Variants in CFAP20DC observed in about 807,000 individuals in gnomAD.
CFAP20DC encodes the protein CFAP20 domain containing.
A neutral mutation model predicts 101.7 loss-of-function variants in CFAP20DC; 84 were observed. That is an observed-to-expected ratio of 0.83 (90% CI 0.69 to 0.99). The LOEUF (loss-of-function observed/expected upper bound fraction) is 0.99. Among genes scored for constraint, CFAP20DC ranks in the 50% least tolerant of loss-of-function variants. The pLI, the probability that CFAP20DC is intolerant of heterozygous loss-of-function variation, is 0.00. For missense variants in CFAP20DC, 1,007 were observed against 970.3 expected, an observed-to-expected ratio of 1.04 and a Z score of -0.50; for synonymous variants, 359 against 351.2, an observed-to-expected ratio of 1.02 and a Z score of -0.25.
At position 58,752,318 on chromosome 3, in the gene CFAP20DC, C is replaced by T. The variant is rs140101748; in HGVS notation, c.2332+1451G>A. ...GGCCAGGGGACAGCTGATAAAAATC[C>T]AGGGTGACAGGCAGAAGGGATGCTT... On this transcript the variant is annotated intron_variant, in intron 16 of 16. Transcript: ENST00000482387. 2.5e-3 allele frequency among the ~76,000 whole-genome samples: 386 copies of T among 152,142 alleles called. 13 individuals are homozygous for T. The East Asian group carries it at 0.06, about 24-fold the overall frequency.
rs368014973 is a variant in CFAP20DC at position 58,956,923 on chromosome 3, G to C, written c.279-19161C>G. Among the ~76,000 whole-genome samples the C allele has an allele frequency of 2.5e-4, 38 of 152,196 alleles. No homozygotes were observed. In the Middle Eastern group the frequency reaches 0.01, roughly 41 times the overall value. ...AACTCACTATCACGAGAATATGATG[G>C]GGGAAACCACACCCATGATCCAACT... is the stretch of plus-strand genomic sequence containing the variant. On this transcript the variant is annotated intron_variant, in intron 4 of 16. Transcript: ENST00000482387.
At chr3:58,790,882 G>A (rs2072789471) in intron 15 of CFAP20DC, among the ~76,000 whole-genome samples, 1 of 152,256 alleles carries the variant, frequency 6.6e-6, no homozygotes, top group East Asian at 1.9e-4. Context: ...TGTGAGACTA[G>A]AGGAGAAAAC....
At chr3:59,048,677 A>T (rs913898678) in intron 1 of CFAP20DC, among the ~76,000 whole-genome samples, 1 of 152,212 alleles carries the variant, frequency 6.6e-6, no homozygotes, top group African/African-American at 2.4e-5. Context: ...CTCCGAGAGC[A>T]CTCATAATGA....
intron 15 of CFAP20DC, among the ~76,000 whole-genome samples, chr3:58,779,271 T>G (rs1191581578): frequency 6.6e-6 from 1 of 151,882 alleles, no homozygotes; most frequent in Non-Finnish European, 1.5e-5. Context: ...GGGACAGATA[T>G]CATAAAAAGG....
At chr3:58,766,131 T>C (rs1038142143) in intron 15 of CFAP20DC, among the ~76,000 whole-genome samples, 2 of 152,130 alleles carry the variant, frequency 1.3e-5, no homozygotes, top group Admixed American at 1.3e-4. Flanking sequence ...AGATAGAAAA[T>C]GTGTTAGTTT....
At chr3:58,786,504 C>T (rs1033327130) in intron 15 of CFAP20DC, among the ~76,000 whole-genome samples, 17 of 152,058 alleles carry the variant, frequency 1.1e-4, no homozygotes, top group African/African-American at 3.9e-4. Flanking sequence ...AAGTACTGTT[C>T]TGAATTTGTG....
chr3:58,921,059 C>T (rs1200178691), intron 5 of CFAP20DC, among the ~76,000 whole-genome samples: 5 of 152,100 alleles, frequency 3.3e-5, no homozygotes, highest in Non-Finnish European at 5.9e-5. Context: ...GTCAAATTCA[C>T]TGGCATAAAA....
intron 3 of CFAP20DC, among the ~76,000 whole-genome samples, chr3:59,044,237 T>A (rs1300523402): frequency 6.6e-6 from 1 of 152,154 alleles, no homozygotes; most frequent in Non-Finnish European, 1.5e-5. Context: ...AATTTATAAA[T>A]GTTAATTAAA....
At chr3:58,736,413 G>C (rs769753946) in intron 3 of CFAP20DC, among the ~76,000 whole-genome samples, 1 of 152,200 alleles carries the variant, frequency 6.6e-6, no homozygotes, top group Middle Eastern at 3.4e-3. Context: ...CAAAACTGGG[G>C]ATGATTCTAA....
intron 6 of CFAP20DC, among the ~76,000 whole-genome samples, chr3:58,893,604 T>C (rs2082428230): frequency 6.6e-6 from 1 of 152,210 alleles, no homozygotes; most frequent in Admixed American, 6.6e-5. Context: ...TTTTCTTTTT[T>C]TGTGGTATAT....
intron 4 of CFAP20DC, among the ~76,000 whole-genome samples, chr3:58,997,453 G>A (rs72883322): frequency 0.047 from 7,208 of 152,188 alleles, 562 homozygotes; most frequent in African/African-American, 0.16. Flanking sequence ...CCATTTAAGA[G>A]TTGAGAGACA....
rs1162902093 is a variant in CFAP20DC, at chr3:58,783,711, C to T, written c.2237+22684G>A. 2.0e-5 allele frequency among the ~76,000 whole-genome samples: 3 copies of T among 152,006 alleles called. No homozygotes were observed. The East Asian group carries it at 5.8e-4, about 29-fold the overall frequency. On this transcript the variant is annotated intron_variant, in intron 15 of 16. Coordinates refer to ENST00000482387, the MANE Select transcript of CFAP20DC (RefSeq NM_001394063.1). ...TGAAAAAGTACTGAACATCAGTAATCGTCAGGGAAATGTAAATCAAAACCA... is the reference window on the plus strand; with the variant it reads ...TGAAAAAGTACTGAACATCAGTAATTGTCAGGGAAATGTAAATCAAAACCA...
chr3:58,757,634 T>C (rs1246065954), intron 15 of CFAP20DC, among the ~76,000 whole-genome samples: 1 of 152,130 alleles, frequency 6.6e-6, no homozygotes, highest in Non-Finnish European at 1.5e-5. Flanking sequence ...TGCACCCATG[T>C]TTTCTTCCAT....
At chr3:58,819,258 A>G (rs998127995) in intron 14 of CFAP20DC, among the ~76,000 whole-genome samples, 1 of 152,100 alleles carries the variant, frequency 6.6e-6, no homozygotes, top group Non-Finnish European at 1.5e-5. Flanking sequence ...AAACACATTC[A>G]AAAGCTAGCA....
At chr3:58,763,904 A>G (rs1559557199) in intron 15 of CFAP20DC, among the ~76,000 whole-genome samples, 2 of 152,100 alleles carry the variant, frequency 1.3e-5, no homozygotes, top group Non-Finnish European at 2.9e-5. Context: ...TGGAAGTTTT[A>G]TCTCAGAGGC....
intron 14 of CFAP20DC, among the ~76,000 whole-genome samples, chr3:58,811,644 G>A (rs2074646463): frequency 6.6e-6 from 1 of 152,036 alleles, no homozygotes; most frequent in Non-Finnish European, 1.5e-5. Context: ...CATAGGCATG[G>A]GCAAGGACTT....
chr3:58,866,515 T>C, intron 11 of CFAP20DC, 51 bp downstream of exon 11: 1 of 1,432,476 alleles, frequency 7.0e-7, no homozygotes, highest in Non-Finnish European at 9.4e-7. Context: ...ATATTTACCA[T>C]ATTTACATTT....
At chr3:58,980,399 C>T (rs2092479247) in intron 4 of CFAP20DC, among the ~76,000 whole-genome samples, 1 of 151,886 alleles carries the variant, frequency 6.6e-6, no homozygotes, top group African/African-American at 2.4e-5. Flanking sequence ...AGAGACACAA[C>T]AAAAAAAGAG....
chr3:58,746,980 T>C (rs1465357093), intron 16 of CFAP20DC, among the ~76,000 whole-genome samples: 1 of 152,118 alleles, frequency 6.6e-6, no homozygotes, highest in African/African-American at 2.4e-5. Flanking sequence ...TTATCGTGGA[T>C]GGGTATGGGG....
Sources: gnomAD v4.1 joint callset for allele counts (sites outside exome capture counted in the v4.1 genomes callset) on GRCh38, gnomAD v4.1.1 for gene constraint, MANE v1.5 for transcripts, NCBI Gene and HGNC (gene_info 2026-07-23, HGNC 2026-07-21) for gene names.